Variants in ADGRE1 observed in about 807,000 individuals in gnomAD.
ADGRE1 encodes the protein adhesion G protein-coupled receptor E1.
In ADGRE1, 82 loss-of-function variants were observed where a neutral mutation model predicts 102.7. The ratio of observed to expected loss-of-function variants is 0.80; its 90% confidence interval spans 0.67 to 0.96. The LOEUF is 0.96. Among genes scored for constraint, ADGRE1 ranks in the 40% least tolerant of loss-of-function variants. ADGRE1 has a pLI of 0.00. For synonymous variants in ADGRE1, 398 were observed against 399.6 expected, an observed-to-expected ratio of 1.00 and a Z score of 0.05; for missense variants, 1,032 against 1,085.3, an observed-to-expected ratio of 0.95 and a Z score of 0.69.
rs374112655 is a variant in ADGRE1 at position 6,924,886 on chromosome 19, G to T, written c.1986+14G>T. 2 of 1,612,694 alleles carry T rather than the reference G, an allele frequency of 1.2e-6. No individual in the cohort carries two copies. Among genetic ancestry groups the T allele is most frequent in the Non-Finnish European group, 8.5e-7 (1 of 1,179,342 alleles). ...ACTGACAACAAGGTCTACATCGCTCGGGCTGTGTCCCCACCAAGCCCCATC... is the reference window on the plus strand; with the variant it reads ...ACTGACAACAAGGTCTACATCGCTCTGGCTGTGTCCCCACCAAGCCCCATC... On this transcript the variant is annotated intron_variant, in intron 15 of 20. Coordinates refer to ENST00000312053, the MANE Select transcript of ADGRE1 (RefSeq NM_001974.5).
At chr19:6,897,818 T>C (rs1973619266) in intron 5 of ADGRE1, 1 of 232,298 alleles carries the variant, frequency 4.3e-6, no homozygotes, top group Admixed American at 5.3e-5. Context: ...ATCTTTTAAG[T>C]GGAGCATTAG....
intron 16 of ADGRE1, among the ~76,000 whole-genome samples, chr19:6,927,896 TTG>T (rs1974986576): frequency 6.6e-6 from 1 of 151,964 alleles, no homozygotes; most frequent in Non-Finnish European, 1.5e-5. Flanking sequence ...GATTACAAAG[TTG>T]TGAATTGGGA....
chr19:6,939,247 C>CTGCATATA (rs1975570230), intron 20 of ADGRE1, among the ~76,000 whole-genome samples: 1 of 152,064 alleles, frequency 6.6e-6, no homozygotes. Flanking sequence ...ATGCAGTTTA[C>CTGCATATA]TATAGTTTTA....
At chr19:6,889,279 A>G (rs1400136860) in intron 1 of ADGRE1, among the ~76,000 whole-genome samples, 2 of 148,708 alleles carry the variant, frequency 1.3e-5, no homozygotes, top group Non-Finnish European at 3.0e-5. Flanking sequence ...TGGTGATAAT[A>G]ATGATGATGA....
At position 6,896,555 on chromosome 19, in the gene ADGRE1, C is replaced by T; in HGVS notation, c.238+14C>T. 6.2e-7 allele frequency: 1 copy of T among 1,609,992 alleles called. No individual in the cohort carries two copies. Among genetic ancestry groups the T allele is most frequent in the Non-Finnish European group, 8.5e-7 (1 of 1,177,024 alleles). On this transcript the variant is annotated intron_variant, in intron 3 of 20. Transcript: ENST00000312053. ...TGCGATGCAAAGGTGAGTTCATGTC[C>T]CCTCAAACCATCCAGCATTTGGTAG...
At chr19:6,926,223 C>T (rs1331694965) in intron 15 of ADGRE1, 143 bp from the exon 16 acceptor site, 13 of 872,888 alleles carry the variant, frequency 1.5e-5, no homozygotes, top group Non-Finnish European at 1.9e-5. Flanking sequence ...TCAAGAACCA[C>T]TGCACCTCTC....
intron 8 of ADGRE1, among the ~76,000 whole-genome samples, chr19:6,905,851 A>G (rs191869997): frequency 4.7e-4 from 71 of 152,348 alleles, no homozygotes; most frequent in Middle Eastern, 3.4e-3. Flanking sequence ...AATATCATCA[A>G]TGTCGCTGGT....
intron 11 of ADGRE1, among the ~76,000 whole-genome samples, chr19:6,914,382 G>C (rs1260906862): frequency 6.6e-6 from 1 of 152,186 alleles, no homozygotes; most frequent in South Asian, 2.1e-4. Flanking sequence ...GCATTAATGA[G>C]ATGTAAACAC....
intron 20 of ADGRE1, among the ~76,000 whole-genome samples, chr19:6,938,579 T>G (rs1425309788): frequency 6.6e-6 from 1 of 152,012 alleles, no homozygotes; most frequent in Non-Finnish European, 1.5e-5. Context: ...ATTTTCTGAG[T>G]AAATAATAAT....
In ADGRE1 at chr19:6,897,183, TG is replaced by T. The variant is rs1249888115; in HGVS notation, c.275del (p.Gly92ValfsTer18). 1 of 1,611,958 alleles carries T rather than the reference TG, an allele frequency of 6.2e-7. No individual in the cohort carries two copies. Among genetic ancestry groups the T allele is most frequent in the Non-Finnish European group, 8.5e-7 (1 of 1,179,522 alleles). The part of the protein sequence containing the change: ...DECSQSPQPC[G>X]PNSSCKNLSG... ...AATGTTCTCAAAGCCCCCAGCCCTG[TG>T]GTCCTAACTCATCCTGCAAAAACCT... On this transcript the variant is annotated frameshift_variant, in exon 4 of 21. Transcript: ENST00000312053. LOFTEE classifies it high-confidence loss of function.
rs548941978 is a variant in ADGRE1, at chr19:6,899,056, A to G, written c.514+1509A>G. On this transcript the variant is annotated intron_variant, in intron 5 of 20. Coordinates refer to ENST00000312053, the MANE Select transcript of ADGRE1 (RefSeq NM_001974.5). The stretch of plus-strand genomic sequence containing the variant: ...ACTTGCTTTGTGATCTCAGTTGTGT[A>G]ATTGCTTTATAGGATCTGTGAACTA... 1.3e-3 allele frequency among the ~76,000 whole-genome samples: 193 copies of G among 152,294 alleles called. 1 individual carries two copies. Among genetic ancestry groups the G allele is most frequent in the African/African-American group, 4.5e-3 (187 of 41,552 alleles).
At chr19:6,898,393 T>G in intron 5 of ADGRE1, 1 of 1,601,880 alleles carries the variant, frequency 6.2e-7, no homozygotes, top group Non-Finnish European at 8.6e-7. Flanking sequence ...GTGCAGCTGT[T>G]TAGATGGTTT....
chr19:6,887,822 T>A (rs372160834), intron 1 of ADGRE1, among the ~76,000 whole-genome samples, 183 bp downstream of exon 1: 1 of 152,224 alleles, frequency 6.6e-6, no homozygotes, highest in Non-Finnish European at 1.5e-5. Context: ...TCTGTTAGGA[T>A]AGATTTTTCT....
At chr19:6,914,855 C>T (rs1371264605) in intron 11 of ADGRE1, among the ~76,000 whole-genome samples, 1 of 151,888 alleles carries the variant, frequency 6.6e-6, no homozygotes, top group Non-Finnish European at 1.5e-5. Context: ...GGGAAGAGAG[C>T]CACGTAAATA....
At chr19:6,939,957 G>A in intron 20 of ADGRE1, 67 bp from the exon 21 acceptor site, 3 of 1,550,712 alleles carry the variant, frequency 1.9e-6, no homozygotes, top group Non-Finnish European at 2.7e-6. Flanking sequence ...CTGTAGACAT[G>A]ACCCTTGGAA....
Position 6,935,038 on chromosome 19 carries a change from T to C in ADGRE1, c.2341T>C (p.Ser781Pro). The C allele has an allele frequency of 1.9e-6, 3 of 1,602,078 alleles. No individual in the cohort carries two copies. The highest frequency in any genetic ancestry group is 2.6e-6 in the Non-Finnish European group (3 of 1,173,884). The change falls in exon 18 of 21, where the codon TCC becomes CCC. Residue 781 changes from serine (S) to proline (P), a missense_variant. Physicochemically the swap from Ser to Pro is moderately conservative, Grantham distance 74 (BLOSUM62 -1). Coordinates refer to ENST00000312053, the MANE Select transcript of ADGRE1 (RefSeq NM_001974.5). Reference protein sequence around the residue: ...WTLWILRQRLSSVNAEVSTLK... With the variant: ...WTLWILRQRLPSVNAEVSTLK... ...CTTGTGGATCCTGAGGCAGAGGCTT[T>C]CCAGTGTTAATGCCGAAGTCTCAAC...
intron 17 of ADGRE1, among the ~76,000 whole-genome samples, chr19:6,931,642 T>C (rs1275002478): frequency 6.6e-6 from 1 of 151,308 alleles, no homozygotes; most frequent in East Asian, 1.9e-4. Context: ...TACTGAAAAA[T>C]ACAAAAAATG....
intron 1 of ADGRE1, 23 bp downstream of exon 1, chr19:6,887,662 G>T (rs1219812309): frequency 8.7e-6 from 14 of 1,604,556 alleles, no homozygotes; most frequent in Non-Finnish European, 1.0e-5. Flanking sequence ...CTGAATGGGG[G>T]GCTAGGGGAG....
At chr19:6,910,572 T>TTG (rs1230309642) in intron 10 of ADGRE1, among the ~76,000 whole-genome samples, 5 of 74,178 alleles carry the variant, frequency 6.7e-5, no homozygotes, top group Admixed American at 3.0e-4. Flanking sequence ...TTCCAACTCT[T>TTG]TTTTTTTTTT....
Sources: allele counts gnomAD v4.1 joint callset (sites outside exome capture counted in the v4.1 genomes callset), GRCh38; gene constraint gnomAD v4.1.1; transcripts MANE v1.5; gene names NCBI Gene and HGNC (gene_info 2026-07-23, HGNC 2026-07-21).